USP45: variants seen among roughly 807,000 people sequenced by gnomAD.
The protein encoded by USP45 is ubiquitin specific peptidase 45, also known as ubiquitin carboxyl-terminal hydrolase 45.
USP45 carries 89 observed loss-of-function variants against 95.8 expected under a neutral mutation model. The ratio of observed to expected loss-of-function variants is 0.93; its 90% CI spans 0.78 to 1.11. The LOEUF (loss-of-function observed/expected upper bound fraction) is 1.11. Ranked by LOEUF, USP45 falls within the 50% of genes least tolerant of loss-of-function variation. The pLI, the probability that USP45 is intolerant of heterozygous loss-of-function variation, is 0.00. For missense variants in USP45, 898 were observed against 942.5 expected (o/e 0.95, Z 0.62); for synonymous variants, 281 against 316.2 (o/e 0.89, Z 1.18).
intron 5 of USP45, among the ~76,000 whole-genome samples, chr6:99,497,908 TCCC>T (rs1796643050): frequency 2.0e-5 from 3 of 152,182 alleles, no homozygotes; most frequent in African/African-American, 7.2e-5. Flanking sequence ...CACAATCTGT[TCCC>T]TTTTTGCCCA....
At position 99,435,273 on chromosome 6, in the gene USP45, A is replaced by C. The variant is rs1780285643; in HGVS notation, c.*443T>G. 1 of 152,576 alleles carries C rather than the reference A, an allele frequency of 6.6e-6. No homozygotes were observed. Among genetic ancestry groups the C allele is most frequent in the Non-Finnish European group, 1.5e-5 (1 of 68,126 alleles). The allele number at this position is 152,576 out of a possible 1,614,324, so 9.5% of individuals were successfully genotyped here. On this transcript the variant is annotated 3_prime_UTR_variant, in exon 18 of 18. Transcript: ENST00000500704. ...AACACGGAATATGATTGCTCAAAAC[A>C]AGACTAAGGTTACAAAAGGCTAAAA... is the stretch of plus-strand genomic sequence containing the variant.
chr6:99,453,987 A>G (rs1336366232), intron 13 of USP45, among the ~76,000 whole-genome samples: 6 of 152,302 alleles, frequency 3.9e-5, no homozygotes, highest in East Asian at 1.9e-4. Context: ...AAAAATTTGT[A>G]TAGAACCAAA....
Position 99,492,463 on chromosome 6 carries a change from G to A in USP45, c.479-3643C>T, listed in dbSNP as rs186921132. On this transcript the variant is annotated intron_variant, in intron 5 of 17. Coordinates refer to ENST00000500704, the MANE Select transcript of USP45 (RefSeq NM_001346022.3). ...TGAGAAAATATTAAAAATTAACTAC[G>A]CTATCAAACAGATAATTTAACTAGA... Among the ~76,000 whole-genome samples the A allele has an allele frequency of 3.9e-5, 6 of 151,972 alleles. No homozygotes were observed. In the East Asian group the frequency reaches 7.7e-4, roughly 20 times the overall value.
At chr6:99,481,156 T>C (rs1038833928) in intron 8 of USP45, among the ~76,000 whole-genome samples, 1 of 152,168 alleles carries the variant, frequency 6.6e-6, no homozygotes, top group Non-Finnish European at 1.5e-5. Context: ...TTCTAAGAAT[T>C]TATCCTACAG....
At chr6:99,499,034 C>T (rs1796869412) in intron 5 of USP45, among the ~76,000 whole-genome samples, 1 of 151,978 alleles carries the variant, frequency 6.6e-6, no homozygotes, top group African/African-American at 2.4e-5. Flanking sequence ...CCTCAGCCTC[C>T]CAAAGTGCTC....
chr6:99,442,800 T>C (rs766776804), intron 15 of USP45, among the ~76,000 whole-genome samples: 19 of 152,158 alleles, frequency 1.2e-4, no homozygotes, highest in South Asian at 4.1e-4. Flanking sequence ...GGAGCCGAGA[T>C]TGTGCCACTG....
intron 15 of USP45, 68 bp downstream of exon 15, chr6:99,443,497 A>C: frequency 9.1e-7 from 1 of 1,095,588 alleles, no homozygotes; most frequent in African/African-American, 1.6e-5. Flanking sequence ...ATTCTTGACA[A>C]TATTCTATAG....
chr6:99,436,991 T>C (rs1490118557), intron 17 of USP45, among the ~76,000 whole-genome samples: 1 of 152,040 alleles, frequency 6.6e-6, no homozygotes, highest in Non-Finnish European at 1.5e-5. Flanking sequence ...ATCTCAGCTA[T>C]TCAGGAGGCT....
chr6:99,465,044 TCA>T, intron 12 of USP45, 34 bp downstream of exon 12: 2 of 1,499,786 alleles, frequency 1.3e-6, no homozygotes, highest in South Asian at 2.5e-5. Flanking sequence ...TAAATGTTCT[TCA>T]CCAAAGCTTC....
At chr6:99,483,274 T>C (rs1406930659) in intron 7 of USP45, among the ~76,000 whole-genome samples, 1 of 152,188 alleles carries the variant, frequency 6.6e-6, no homozygotes, top group Non-Finnish European at 1.5e-5. Context: ...TGTAGGATTA[T>C]ACACCTTTCT....
intron 3 of USP45, among the ~76,000 whole-genome samples, chr6:99,507,908 C>T (rs1031405279): frequency 2.0e-5 from 3 of 152,140 alleles, no homozygotes; most frequent in African/African-American, 4.8e-5. Flanking sequence ...CCAATCATAG[C>T]GATTTCCCTC....
At chr6:99,443,696 T>A (rs1271110089) in intron 14 of USP45, 34 bp from the exon 15 acceptor site, 8 of 1,334,506 alleles carry the variant, frequency 6.0e-6, no homozygotes, top group Non-Finnish European at 8.2e-6. Flanking sequence ...TTTATAAAAT[T>A]CCATTTTATA....
intron 5 of USP45, among the ~76,000 whole-genome samples, chr6:99,503,098 A>G (rs1797745380): frequency 6.6e-6 from 1 of 152,194 alleles, no homozygotes; most frequent in Admixed American, 6.5e-5. Context: ...AGAAAATATT[A>G]TCTCTAGGCC....
At chr6:99,485,310 A>C (rs1457429614) in intron 7 of USP45, among the ~76,000 whole-genome samples, 1 of 152,158 alleles carries the variant, frequency 6.6e-6, no homozygotes, top group Non-Finnish European at 1.5e-5. Context: ...GTGCCACTGC[A>C]TTCCAGACTG....
rs1799045971 is a variant in USP45 at position 99,508,593 on chromosome 6, A to G, written c.273+17T>C. ...AACATTTCAGACAAACTCACATATA[A>G]ATAATACTTTTCTTACCTGGAAGCC... On this transcript the variant is annotated intron_variant, in intron 3 of 17. Transcript: ENST00000500704. The G allele has an allele frequency of 6.2e-7, 1 of 1,606,372 alleles. No homozygotes were observed. The highest frequency in any genetic ancestry group is 1.3e-5 in the African/African-American group (1 of 74,778).
At chr6:99,438,054 A>C (rs1272219824) in intron 16 of USP45, among the ~76,000 whole-genome samples, 4 of 152,260 alleles carry the variant, frequency 2.6e-5, no homozygotes, top group Non-Finnish European at 5.9e-5. Flanking sequence ...CAAATACATG[A>C]GCAAAATGTC....
chr6:99,496,256 T>C (rs975703783), intron 5 of USP45, among the ~76,000 whole-genome samples: 1 of 152,130 alleles, frequency 6.6e-6, no homozygotes, highest in African/African-American at 2.4e-5. Flanking sequence ...AGTGCTGGGA[T>C]TACAGGCATG....
intron 9 of USP45, among the ~76,000 whole-genome samples, chr6:99,471,841 G>A (rs901099100): frequency 6.6e-6 from 1 of 152,138 alleles, no homozygotes; most frequent in Non-Finnish European, 1.5e-5. Flanking sequence ...TAACAGCTGT[G>A]GAGTTCCCAG....
intron 13 of USP45, among the ~76,000 whole-genome samples, chr6:99,452,261 A>G (rs1784042991): frequency 6.6e-6 from 1 of 152,238 alleles, no homozygotes. Context: ...GAATGGGAGA[A>G]AATTTTGCAA....
Sources: gnomAD v4.1 joint callset for allele counts (sites outside exome capture counted in the v4.1 genomes callset) on GRCh38, gnomAD v4.1.1 for gene constraint, MANE v1.5 for transcripts, NCBI Gene and HGNC (gene_info 2026-07-23, HGNC 2026-07-21) for gene names.